The following MRPL47 variants were observed in gnomAD, a reference collection of about 807,000 sequenced individuals.
The protein encoded by MRPL47 is large ribosomal subunit protein uL29m.
In MRPL47, 31 loss-of-function variants were observed where a neutral mutation model predicts 34.0. That is an observed-to-expected ratio of 0.91 (90% confidence interval 0.68 to 1.23). The LOEUF (loss-of-function observed/expected upper bound fraction) is 1.23, where lower values mean the gene tolerates loss of function less well. Ranked by LOEUF, MRPL47 falls within the 50% of genes most tolerant of loss-of-function variation. MRPL47 has a pLI of 0.00. For synonymous variants in MRPL47, 106 were observed against 101.6 expected (o/e 1.04, Z -0.26); for missense variants, 328 against 285.8 (o/e 1.15, Z -1.07).
Position 179,592,692 on chromosome 3 carries a change from T to A in MRPL47, c.581A>T (p.Tyr194Phe), listed in dbSNP as rs750736629. The change falls in exon 6 of 7, where the codon TAC (tyrosine) becomes TTC (phenylalanine). Residue 194 changes from tyrosine (Y) to phenylalanine (F), a missense_variant. Tyr to Phe is a conservative substitution (Grantham distance 22, BLOSUM62 3). Transcript: ENST00000476781. ...WVIPWHLNKRYNRKRFFALPY... is the reference protein window; with the variant it reads ...WVIPWHLNKRFNRKRFFALPY... Reference sequence around the variant, plus strand: ...CAAGGCAAAGAATCGTTTCCTATTGTATCTTTTATTTAGGTGCCAAGGTAT... The same window carrying A: ...CAAGGCAAAGAATCGTTTCCTATTGAATCTTTTATTTAGGTGCCAAGGTAT... 4.3e-6 allele frequency: 7 copies of A among 1,614,070 alleles called. No individual in the cohort carries two copies. In the Admixed American group the frequency reaches 1.2e-4, roughly 27 times the overall value.
intron 4 of MRPL47, among the ~76,000 whole-genome samples, chr3:179,595,591 G>T (rs1314745610): frequency 6.6e-6 from 1 of 152,186 alleles, no homozygotes; most frequent in African/African-American, 2.4e-5. Context: ...AGTAAAGCTG[G>T]TTGTTCACTA....
At chr3:179,600,401 G>T (rs1217794260) in intron 3 of MRPL47, among the ~76,000 whole-genome samples, 1 of 152,098 alleles carries the variant, frequency 6.6e-6, no homozygotes, top group East Asian at 1.9e-4. Context: ...AGCACTTTGC[G>T]AGGCCAAGGC....
At chr3:179,595,530 A>C (rs978818325) in intron 4 of MRPL47, among the ~76,000 whole-genome samples, 1 of 152,244 alleles carries the variant, frequency 6.6e-6, no homozygotes, top group Non-Finnish European at 1.5e-5. Flanking sequence ...GAGTAAAGGG[A>C]CCACATTGAT....
chr3:179,598,397 G>GACTGACACAC (rs1553779591), intron 4 of MRPL47, among the ~76,000 whole-genome samples: 1 of 102,950 alleles, frequency 9.7e-6, no homozygotes, highest in African/African-American at 3.9e-5. Flanking sequence ...CTGACACACT[G>GACTGACACAC]ACACACACAC....
At position 179,592,603 on chromosome 3, in the gene MRPL47, G is replaced by A. The variant is rs1184744040; in HGVS notation, c.629+41C>T. The A allele has an allele frequency of 2.5e-6, 3 of 1,219,388 alleles. No homozygotes were observed. In the Admixed American group the frequency reaches 5.2e-5, roughly 21 times the overall value. 75.5% of individuals were successfully genotyped at this position (1,219,388 alleles called of 1,614,324 possible). A position where few individuals can be genotyped will look rare whatever the true frequency, so the allele number is the denominator to read the frequency against. ...ATGATATATGACCATATGTCATCTG[G>A]TATAAAGATAATATGTTTTATTAAA... On this transcript the variant is annotated intron_variant, in intron 6 of 6. Coordinates refer to ENST00000476781, the MANE Select transcript of MRPL47 (RefSeq NM_020409.3).
chr3:179,595,934 CAT>C (rs929487351), intron 4 of MRPL47, among the ~76,000 whole-genome samples: 35 of 152,256 alleles, frequency 2.3e-4, no homozygotes, highest in African/African-American at 7.5e-4. Flanking sequence ...CCTTGAAACA[CAT>C]GTTTTTAAAA....
At chr3:179,601,276 T>C (rs1284644006) in intron 3 of MRPL47, among the ~76,000 whole-genome samples, 1 of 151,914 alleles carries the variant, frequency 6.6e-6, no homozygotes. Context: ...GGTGTGGTGG[T>C]GCATACCTGT....
intron 5 of MRPL47, among the ~76,000 whole-genome samples, chr3:179,593,334 T>A (rs556716520): frequency 1.3e-5 from 2 of 152,176 alleles, no homozygotes; most frequent in South Asian, 4.1e-4. Context: ...CCTGAGACTT[T>A]AAAAAAAATA....
chr3:179,598,614 CAT>C, intron 4 of MRPL47, 59 bp downstream of exon 4: 1 of 1,039,206 alleles, frequency 9.6e-7, no homozygotes, highest in Non-Finnish European at 1.5e-6. Flanking sequence ...ACAGGAACCA[CAT>C]ACTCACTCCT....
chr3:179,602,231 C>T (rs1362661853), intron 2 of MRPL47, among the ~76,000 whole-genome samples: 1 of 152,092 alleles, frequency 6.6e-6, no homozygotes, highest in Non-Finnish European at 1.5e-5. Flanking sequence ...GTAATCCCAG[C>T]TACTCAGGAG....
chr3:179,602,071 C>T (rs978895828), intron 2 of MRPL47, among the ~76,000 whole-genome samples: 3 of 152,166 alleles, frequency 2.0e-5, no homozygotes, highest in Non-Finnish European at 4.4e-5. Flanking sequence ...TTAACTGGGG[C>T]GGTGGTTCAC....
At position 179,601,691 on chromosome 3, in the gene MRPL47, C is replaced by T. The variant is rs202186941; in HGVS notation, c.305+39G>A. ...TCACCTCATTGTTACACTATAACGG[C>T]TTCAAACGTCTAGATGTTAATGTAC... On this transcript the variant is annotated intron_variant, in intron 3 of 6. Coordinates refer to ENST00000476781, the MANE Select transcript of MRPL47 (RefSeq NM_020409.3). 1,354 of 1,272,864 alleles carry T rather than the reference C, an allele frequency of 1.1e-3. 9 individuals carry two copies. In the African/African-American group the frequency reaches 0.018, roughly 17 times the overall value. 78.8% of individuals were successfully genotyped at this position (1,272,864 alleles called of 1,614,324 possible).
chr3:179,597,124 G>T (rs1485226993), intron 4 of MRPL47, among the ~76,000 whole-genome samples: 1 of 152,024 alleles, frequency 6.6e-6, no homozygotes, highest in African/African-American at 2.4e-5. Flanking sequence ...CAATCTGGAG[G>T]GTATATGAGA....
At chr3:179,595,496 T>C (rs1346221938) in intron 4 of MRPL47, among the ~76,000 whole-genome samples, 1 of 152,240 alleles carries the variant, frequency 6.6e-6, no homozygotes, top group Non-Finnish European at 1.5e-5. Flanking sequence ...ACAAATTCTA[T>C]TTTGAAGACA....
intron 5 of MRPL47, among the ~76,000 whole-genome samples, chr3:179,592,992 T>C (rs1333003114): frequency 6.6e-6 from 1 of 152,170 alleles, no homozygotes; most frequent in East Asian, 1.9e-4. Context: ...CCAAAATGCC[T>C]TCCCCATTCT....
intron 1 of MRPL47, among the ~76,000 whole-genome samples, 199 bp downstream of exon 1, chr3:179,604,328 C>T (rs551228466): frequency 6.6e-6 from 1 of 152,340 alleles, no homozygotes; most frequent in African/African-American, 2.4e-5. Flanking sequence ...CAGCAGGCAG[C>T]AACAAAATGA....
chr3:179,598,408 A>ACACACACACACACACG (rs1718840978), intron 4 of MRPL47, among the ~76,000 whole-genome samples: 1 of 137,626 alleles, frequency 7.3e-6, no homozygotes, highest in Non-Finnish European at 1.6e-5. Context: ...ACACACACAC[A>ACACACACACACACACG]CACACACACA....
chr3:179,602,400 C>T (rs114542706), intron 2 of MRPL47, among the ~76,000 whole-genome samples: 2,756 of 152,032 alleles, frequency 0.018, 95 homozygotes, highest in African/African-American at 0.063. Context: ...AAAATAAGCC[C>T]TAAACCTTAC....
At chr3:179,598,427 A>ACACACAC (rs1445696121) in intron 4 of MRPL47, among the ~76,000 whole-genome samples, 30 of 49,132 alleles carry the variant, frequency 6.1e-4, no homozygotes, top group African/African-American at 8.4e-4. Flanking sequence ...CACACACACA[A>ACACACAC]ACAAAAAAAA....
Sources: gnomAD v4.1 joint callset for allele counts (sites outside exome capture counted in the v4.1 genomes callset) on GRCh38, gnomAD v4.1.1 for gene constraint, MANE v1.5 for transcripts, NCBI Gene and HGNC (gene_info 2026-07-23, HGNC 2026-07-21) for gene names.